STXBP5L: variants seen among roughly 807,000 people sequenced by gnomAD.
STXBP5L encodes syntaxin binding protein 5L.
STXBP5L carries 65 observed loss-of-function variants against 144.5 expected under a neutral mutation model. That is an observed-to-expected ratio of 0.45 (90% confidence interval 0.37 to 0.55). The LOEUF (loss-of-function observed/expected upper bound fraction) is 0.55, where lower values mean the gene tolerates loss of function less well. STXBP5L is among the 20% of genes least tolerant of loss of function. The probability of loss-of-function intolerance (pLI) is 0.00; values close to 1 mark genes in which losing one functional copy is unlikely to be tolerated. For missense variants in STXBP5L, 1,298 were observed against 1,405.5 expected (o/e 0.92, Z 1.22); for synonymous variants, 505 against 469.6 (o/e 1.08, Z -0.97).
chr3:121,411,414 GTA>G (rs2047112651), intron 23 of STXBP5L, among the ~76,000 whole-genome samples: 1 of 152,028 alleles, frequency 6.6e-6, no homozygotes, highest in African/African-American at 2.4e-5. Context: ...CTTAGAATCA[GTA>G]TAATGGTTTC....
At chr3:121,132,518 T>C (rs985454030) in intron 7 of STXBP5L, among the ~76,000 whole-genome samples, 1 of 152,110 alleles carries the variant, frequency 6.6e-6, no homozygotes, top group Non-Finnish European at 1.5e-5. Flanking sequence ...CTAGGCCAAT[T>C]GGTGGGGTAC....
chr3:121,175,248 G>A (rs1027089843), intron 9 of STXBP5L, among the ~76,000 whole-genome samples: 1 of 152,046 alleles, frequency 6.6e-6, no homozygotes, highest in African/African-American at 2.4e-5. Flanking sequence ...CTAAATACCA[G>A]ACATCTCTAG....
intron 3 of STXBP5L, among the ~76,000 whole-genome samples, chr3:120,976,000 A>G (rs1940949687): frequency 6.7e-6 from 1 of 148,500 alleles, no homozygotes; most frequent in East Asian, 2.0e-4. Flanking sequence ...TTGGTCTAAA[A>G]TTCTCTTTTT....
At chr3:121,070,138 T>G (rs189360140) in intron 5 of STXBP5L, among the ~76,000 whole-genome samples, 4 of 152,366 alleles carry the variant, frequency 2.6e-5, no homozygotes, top group African/African-American at 9.6e-5. Flanking sequence ...GCCGGACATA[T>G]GTCCAGAATT....
chr3:121,355,681 A>C (rs1040386200), intron 20 of STXBP5L, among the ~76,000 whole-genome samples: 9 of 152,042 alleles, frequency 5.9e-5, no homozygotes, highest in African/African-American at 2.2e-4. Context: ...TCTGAAGCCT[A>C]CTTCTGTCAA....
intron 19 of STXBP5L, among the ~76,000 whole-genome samples, chr3:121,312,359 A>G (rs1187381248): frequency 2.2e-5 from 3 of 135,994 alleles, no homozygotes; most frequent in Non-Finnish European, 3.1e-5. Flanking sequence ...TAAGTAAACT[A>G]AAGAGCTTCT....
chr3:121,084,631 A>G (rs978149745), intron 5 of STXBP5L, among the ~76,000 whole-genome samples: 2 of 152,100 alleles, frequency 1.3e-5, no homozygotes, highest in African/African-American at 4.8e-5. Flanking sequence ...GGTTGATTCC[A>G]TGTCTTTACT....
chr3:121,364,032 A>C (rs1560023567), intron 20 of STXBP5L, among the ~76,000 whole-genome samples: 1 of 152,062 alleles, frequency 6.6e-6, no homozygotes, highest in Non-Finnish European at 1.5e-5. Flanking sequence ...CACAGTTTTT[A>C]AATGTTTATG....
rs576649924 is a variant in STXBP5L, at chr3:121,082,697, T to A, written c.471-32228T>A. Among the ~76,000 whole-genome samples the A allele has an allele frequency of 2.6e-5, 4 of 152,340 alleles. No homozygotes were observed. In the South Asian group the frequency reaches 8.3e-4, roughly 32 times the overall value. On this transcript the variant is annotated intron_variant, in intron 5 of 26. Transcript: ENST00000471454. ...TGTGTGTGTATATATACATTTGTAA[T>A]CCTGTTTTTGAGGTTTATTGTAATT...
intron 9 of STXBP5L, among the ~76,000 whole-genome samples, chr3:121,185,636 T>C (rs185773102): frequency 1.3e-3 from 199 of 152,312 alleles, no homozygotes; most frequent in African/African-American, 4.4e-3. Context: ...CTGAGGGCTC[T>C]GTTCTGTTCC....
At chr3:120,986,980 G>T (rs1161162410) in intron 3 of STXBP5L, among the ~76,000 whole-genome samples, 1 of 151,776 alleles carries the variant, frequency 6.6e-6, no homozygotes, top group Non-Finnish European at 1.5e-5. Flanking sequence ...GTGTATAGTG[G>T]GAATCCCAGA....
chr3:121,075,448 T>C (rs1310825539), intron 5 of STXBP5L, among the ~76,000 whole-genome samples: 1 of 152,182 alleles, frequency 6.6e-6, no homozygotes, highest in African/African-American at 2.4e-5. Flanking sequence ...GCTTCTCTCT[T>C]GGCCTCCTCA....
At chr3:120,986,510 TG>T (rs1942299595) in intron 3 of STXBP5L, among the ~76,000 whole-genome samples, 1 of 152,002 alleles carries the variant, frequency 6.6e-6, no homozygotes, top group Non-Finnish European at 1.5e-5. Flanking sequence ...CCTTCAATTT[TG>T]TCAGTTTTTG....
In STXBP5L at chr3:121,250,759, T is replaced by G; in HGVS notation, c.1437T>G (p.Ser479=). The G allele has an allele frequency of 1.9e-6, 3 of 1,609,836 alleles. No individual in the cohort carries two copies. The highest frequency in any genetic ancestry group is 2.5e-6 in the Non-Finnish European group (3 of 1,177,838). Residue 479 remains serine (S), a synonymous_variant, in exon 15 of 27, where the codon TCT becomes TCG. Transcript: ENST00000471454. ...GATCAATAAAATTTTGGGATGCTTC[T>G]GCAAGTAAGTTTCAAGTTTCTGTAC... The part of the protein sequence containing the change: ...ADGSIKFWDA[S]AITLQMLYKL...
At chr3:121,351,996 A>G (rs960077420) in intron 20 of STXBP5L, among the ~76,000 whole-genome samples, 1 of 151,886 alleles carries the variant, frequency 6.6e-6, no homozygotes, top group African/African-American at 2.4e-5. Flanking sequence ...ATGATTGTAG[A>G]TGTGTAGTGT....
chr3:121,003,927 G>T (rs1365116715), intron 3 of STXBP5L, among the ~76,000 whole-genome samples: 1 of 152,192 alleles, frequency 6.6e-6, no homozygotes, highest in African/African-American at 2.4e-5. Flanking sequence ...TTTGGTACCA[G>T]TACCACGCTG....
At chr3:121,305,178 C>T (rs1398262451) in intron 19 of STXBP5L, among the ~76,000 whole-genome samples, 1 of 151,944 alleles carries the variant, frequency 6.6e-6, no homozygotes, top group East Asian at 1.9e-4. Context: ...AATTAAATAC[C>T]CACAACAAAG....
At chr3:120,964,530 C>A (rs1014768411) in intron 3 of STXBP5L, among the ~76,000 whole-genome samples, 4 of 152,108 alleles carry the variant, frequency 2.6e-5, no homozygotes, top group Non-Finnish European at 5.9e-5. Flanking sequence ...TCGTTATTTA[C>A]CCAGTAGTCA....
chr3:120,980,608 G>A (rs1000528458), intron 3 of STXBP5L, among the ~76,000 whole-genome samples: 3 of 151,826 alleles, frequency 2.0e-5, no homozygotes, highest in Admixed American at 2.0e-4. Context: ...TGAGTTAGGT[G>A]GGTTTCTTAT....
Sources: allele counts gnomAD v4.1 joint callset (sites outside exome capture counted in the v4.1 genomes callset), GRCh38; gene constraint gnomAD v4.1.1; transcripts MANE v1.5; gene names NCBI Gene and HGNC (gene_info 2026-07-23, HGNC 2026-07-21).